ZBTB40: variants seen among roughly 807,000 people sequenced by gnomAD.
The protein encoded by ZBTB40 is zinc finger and BTB domain-containing protein 40.
ZBTB40 carries 60 observed loss-of-function variants against 117.5 expected under a neutral mutation model. That is an observed-to-expected ratio of 0.51 (90% CI 0.41 to 0.63). ZBTB40 has a LOEUF of 0.63. ZBTB40 is among the 30% of genes least tolerant of loss of function. The probability of loss-of-function intolerance (pLI) is 0.00; values close to 1 mark genes in which losing one functional copy is unlikely to be tolerated. For synonymous variants in ZBTB40, 525 were observed against 577.1 expected (o/e 0.91, Z 1.29); for missense variants, 1,287 against 1,498.5 (o/e 0.86, Z 2.33).
At position 22,512,026 on chromosome 1, in the gene ZBTB40, C is replaced by T; in HGVS notation, c.2353C>T (p.Gln785Ter). 6.2e-7 allele frequency: 1 copy of T among 1,614,148 alleles called. No individual in the cohort carries two copies. Among genetic ancestry groups the T allele is most frequent in the Non-Finnish European group, 8.5e-7 (1 of 1,180,026 alleles). ...TTCAAAGAAAGAGCTGGACAAACATCAGCTGGAGGCCCATGGTGCAGGTGG... is the reference window on the plus strand; with the variant it reads ...TTCAAAGAAAGAGCTGGACAAACATTAGCTGGAGGCCCATGGTGCAGGTGG... The part of the protein sequence containing the change: ...KDSKKELDKH[Q>*]LEAHGAGGEP... The change falls in exon 11 of 18, where the codon CAG (glutamine) becomes TAG (stop). Residue 785 changes from glutamine to a stop codon, truncating the protein, a stop_gained. Coordinates refer to ENST00000375647, the MANE Select transcript of ZBTB40 (RefSeq NM_014870.4). LOFTEE classifies it high-confidence loss of function.
intron 1 of ZBTB40, among the ~76,000 whole-genome samples, chr1:22,429,412 G>A (rs1640547781): frequency 6.6e-6 from 1 of 151,256 alleles, no homozygotes; most frequent in South Asian, 2.1e-4. Flanking sequence ...CTTACTGATC[G>A]CAAAGTCACA....
In ZBTB40 at chr1:22,526,605, C is replaced by T; in HGVS notation, c.*209C>T. The T allele has an allele frequency of 1.6e-6, 1 of 618,318 alleles. No homozygotes were observed. Among genetic ancestry groups the T allele is most frequent in the Non-Finnish European group, 2.9e-6 (1 of 348,296 alleles). 38.3% of individuals were successfully genotyped at this position (618,318 alleles called of 1,614,324 possible). ...AGCCCTCAACACCAACAGCACCATC[C>T]TCTGTAGCAGACAGGCCTCCCTCCC... On this transcript the variant is annotated 3_prime_UTR_variant, in exon 18 of 18. Transcript: ENST00000375647.
chr1:22,504,139 A>G (rs193040548), intron 5 of ZBTB40, among the ~76,000 whole-genome samples: 46 of 152,340 alleles, frequency 3.0e-4, no homozygotes, highest in Admixed American at 3.9e-4. Flanking sequence ...GCAGACTAAG[A>G]AAGTGGGAGT....
intron 5 of ZBTB40, among the ~76,000 whole-genome samples, chr1:22,504,687 C>T (rs919974751): frequency 2.0e-5 from 3 of 152,214 alleles, no homozygotes; most frequent in Admixed American, 2.0e-4. Flanking sequence ...CTTCATTTTA[C>T]AGTAACAACT....
intron 1 of ZBTB40, among the ~76,000 whole-genome samples, chr1:22,474,971 A>G (rs1244831443): frequency 1.4e-5 from 2 of 147,678 alleles, no homozygotes; most frequent in Non-Finnish European, 1.5e-5. Flanking sequence ...GTAAGCTTGC[A>G]TTAAGCTGGA....
At chr1:22,432,602 A>G (rs1478019144) in intron 1 of ZBTB40, among the ~76,000 whole-genome samples, 1 of 152,236 alleles carries the variant, frequency 6.6e-6, no homozygotes, top group African/African-American at 2.4e-5. Flanking sequence ...CATATCCTTC[A>G]TTGCAGAAAG....
intron 1 of ZBTB40, among the ~76,000 whole-genome samples, chr1:22,482,874 C>A (rs371657684): frequency 6.6e-6 from 1 of 152,168 alleles, no homozygotes; most frequent in Non-Finnish European, 1.5e-5. Context: ...GTCAGGAGAT[C>A]GAGACCATCC....
rs1638601887 is a variant in ZBTB40 at position 22,490,596 on chromosome 1, C to T, written c.648C>T (p.Ser216=). ...TPTTAEACSP[S]PAVQTFSEAK... ...CTACAGCTGAAGCTTGTTCCCCCTC[C>T]CCTGCTGTGCAAACCTTTAGTGAGG... The change falls in exon 2 of 18, where the codon TCC becomes TCT. Residue 216 remains serine (S), a synonymous_variant. Coordinates refer to ENST00000375647, the MANE Select transcript of ZBTB40 (RefSeq NM_014870.4). 3.7e-6 allele frequency: 6 copies of T among 1,614,084 alleles called. No homozygotes were observed. The highest frequency in any genetic ancestry group is 3.3e-4 in the Middle Eastern group (2 of 6,062).
intron 1 of ZBTB40, among the ~76,000 whole-genome samples, chr1:22,462,570 G>C (rs1056343148): frequency 6.6e-6 from 1 of 152,204 alleles, no homozygotes; most frequent in African/African-American, 2.4e-5. Flanking sequence ...TAGGTAACGG[G>C]AAGAGTCTCA....
At chr1:22,525,691 C>G (rs10917248) in intron 17 of ZBTB40, among the ~76,000 whole-genome samples, 39,053 of 152,232 alleles carry the variant, frequency 0.26, 6,373 homozygotes, top group South Asian at 0.38. Flanking sequence ...CGTGGAGTCA[C>G]AGTTCATCCA....
At position 22,530,296 on chromosome 1, in the gene ZBTB40, G is replaced by A. The variant is rs571996162; in HGVS notation, c.*3900G>A. 2.0e-5 allele frequency: 3 copies of A among 152,324 alleles called. No homozygotes were observed. The highest frequency in any genetic ancestry group is 7.2e-5 in the African/African-American group (3 of 41,528). 9.4% of individuals were successfully genotyped at this position (152,324 alleles called of 1,614,324 possible). A position where few individuals can be genotyped will look rare whatever the true frequency, so the allele number is the denominator to read the frequency against. The stretch of plus-strand genomic sequence containing the variant: ...AGGTAGGAAGAAAATGGGAGTAAGA[G>A]AACAATTTGGGGCTGAAGGGAGTGT... On this transcript the variant is annotated 3_prime_UTR_variant, in exon 18 of 18. Coordinates refer to ENST00000375647, the MANE Select transcript of ZBTB40 (RefSeq NM_014870.4).
chr1:22,501,343 C>T, intron 3 of ZBTB40, 149 bp from the exon 4 acceptor site: 1 of 815,018 alleles, frequency 1.2e-6, no homozygotes, highest in East Asian at 2.7e-5. Flanking sequence ...CTTGTTGGAA[C>T]TGCTGCTGGG....
chr1:22,513,210 A>G lies in ZBTB40; in HGVS notation c.2668+80A>G. 1.3e-6 allele frequency: 2 copies of G among 1,490,620 alleles called. No homozygotes were observed. Among genetic ancestry groups the G allele is most frequent in the South Asian group, 1.2e-5 (1 of 83,148 alleles). The allele number at this position is 1,490,620 out of a possible 1,614,324, so 92.3% of individuals were successfully genotyped here. A position where few individuals can be genotyped will look rare whatever the true frequency, so the allele number is the denominator to read the frequency against. The stretch of plus-strand genomic sequence containing the variant: ...ACCCCATTTGGATTAGGTGTGATAT[A>G]TATCTCAAAAACAAAACAATTTGAT... On this transcript the variant is annotated intron_variant, in intron 12 of 17. Coordinates refer to ENST00000375647, the MANE Select transcript of ZBTB40 (RefSeq NM_014870.4). This position sits in a 1 kb window ranked among gnomAD's most constrained non-coding sequence, Gnocchi z 4.9.
At chr1:22,519,902 C>CT (rs1034069323) in intron 13 of ZBTB40, among the ~76,000 whole-genome samples, 159 bp from the exon 14 acceptor site, 3 of 152,168 alleles carry the variant, frequency 2.0e-5, no homozygotes, top group Non-Finnish European at 2.9e-5. Context: ...GACTGCTACA[C>CT]TGATTTCTGA....
Position 22,521,652 on chromosome 1 carries a change from C to T in ZBTB40, c.3205C>T (p.His1069Tyr), listed in dbSNP as rs779071591. ...IEHKKHIKAEHADMKFHECDQ... is the reference protein window; with the variant it reads ...IEHKKHIKAEYADMKFHECDQ... ...GCACAAGAAGCACATCAAAGCAGAA[C>T]ATGCAGGTGGAGTTTGGGTACCGCC... The change falls in exon 15 of 18, where the codon CAT becomes TAT. Residue 1069 changes from histidine to tyrosine, a missense_variant. Coordinates refer to ENST00000375647, the MANE Select transcript of ZBTB40 (RefSeq NM_014870.4). 2 of 1,614,264 alleles carry T rather than the reference C, an allele frequency of 1.2e-6. No homozygotes were observed. The highest frequency in any genetic ancestry group is 1.7e-5 in the Admixed American group (1 of 60,032).
intron 3 of ZBTB40, among the ~76,000 whole-genome samples, 178 bp downstream of exon 3, chr1:22,491,711 AC>A (rs1238350005): frequency 6.6e-6 from 1 of 151,620 alleles, no homozygotes; most frequent in Admixed American, 6.6e-5. Flanking sequence ...TAGGCAGGAT[AC>A]TTTCAAAATG....
chr1:22,502,584 C>T, intron 5 of ZBTB40, 143 bp downstream of exon 5: 1 of 1,181,738 alleles, frequency 8.5e-7, no homozygotes, highest in Non-Finnish European at 1.2e-6. Flanking sequence ...GTGCTTGTTT[C>T]ATATCCTGTT....
At chr1:22,450,712 C>A (rs1428866837), upstream of ZBTB40, among the ~76,000 whole-genome samples, 1 of 152,086 alleles carries the variant, frequency 6.6e-6, no homozygotes, top group Non-Finnish European at 1.5e-5. Context: ...TATGATCGAC[C>A]GGGAGACAGC....
At chr1:22,463,481 G>A (rs1409430511) in intron 1 of ZBTB40, among the ~76,000 whole-genome samples, 1 of 152,168 alleles carries the variant, frequency 6.6e-6, no homozygotes, top group Admixed American at 6.5e-5. Flanking sequence ...CAAAGCAAAG[G>A]GTCTTTTTGA....
Sources: gnomAD v4.1 joint callset for allele counts (sites outside exome capture counted in the v4.1 genomes callset) on GRCh38, gnomAD v4.1.1 for gene constraint, Gnocchi (gnomAD v3.1) non-coding constraint, MANE v1.5 for transcripts, NCBI Gene and HGNC (gene_info 2026-07-23, HGNC 2026-07-21) for gene names.